The following CHIC2 variants were observed in gnomAD, a reference collection of about 807,000 sequenced individuals.
The protein encoded by CHIC2 is cysteine-rich hydrophobic domain-containing protein 2.
A neutral mutation model predicts 25.9 loss-of-function variants in CHIC2; 14 were observed. That is an observed-to-expected ratio of 0.54 (90% confidence interval 0.36 to 0.85). The LOEUF is 0.85. Ranked by LOEUF, CHIC2 falls within the 40% of genes least tolerant of loss-of-function variation. CHIC2 has a pLI of 0.01. For synonymous variants in CHIC2, 70 were observed against 72.0 expected (o/e 0.97, Z 0.14); for missense variants, 146 against 202.0 (o/e 0.72, Z 1.68).
At chr4:54,044,358 G>C (rs527647672) in intron 3 of CHIC2, among the ~76,000 whole-genome samples, 4 of 152,286 alleles carry the variant, frequency 2.6e-5, no homozygotes, top group African/African-American at 7.2e-5. Flanking sequence ...ATTCCTTTCG[G>C]CACCACACCA....
At chr4:54,061,889 G>C (rs1007214030) in intron 1 of CHIC2, among the ~76,000 whole-genome samples, 31 of 152,132 alleles carry the variant, frequency 2.0e-4, no homozygotes, top group Non-Finnish European at 3.4e-4. Flanking sequence ...TAAGACTAAG[G>C]TGAATCATTG....
intron 1 of CHIC2, chr4:54,061,221 C>T (rs1245886918): frequency 6.6e-6 from 1 of 152,044 alleles, no homozygotes; most frequent in Non-Finnish European, 1.5e-5. Flanking sequence ...TCTGATTATG[C>T]CTAGAGACTA....
chr4:54,031,199 TGA>T (rs1374310752), intron 3 of CHIC2, among the ~76,000 whole-genome samples: 3 of 150,282 alleles, frequency 2.0e-5, no homozygotes, highest in Non-Finnish European at 3.0e-5. Context: ...AACCTAACGC[TGA>T]GAGAGGTTTT....
chr4:54,085,106 AAC>A, the CHIC2 span, among the ~76,000 whole-genome samples: 5 of 152,204 alleles, frequency 3.3e-5, no homozygotes, highest in Non-Finnish European at 5.9e-5. Flanking sequence ...ATAAAAAAGT[AAC>A]AATTTATGTC....
chr4:54,043,626 C>T (rs1716668292), intron 3 of CHIC2, among the ~76,000 whole-genome samples: 2 of 152,020 alleles, frequency 1.3e-5, no homozygotes, highest in Admixed American at 6.5e-5. Flanking sequence ...CAGCACCAGG[C>T]CTGCCCTAAA....
chr4:54,075,875 T>C, the CHIC2 span, among the ~76,000 whole-genome samples: 1 of 152,214 alleles, frequency 6.6e-6, no homozygotes, highest in South Asian at 2.1e-4. Context: ...ACATACTGCT[T>C]AATATTTTAT....
intron 3 of CHIC2, among the ~76,000 whole-genome samples, chr4:54,029,125 G>GAA (rs371108660): frequency 1.2e-4 from 10 of 84,532 alleles, no homozygotes; most frequent in Non-Finnish European, 1.5e-4. Flanking sequence ...CCATCTCAAA[G>GAA]AAAAAAAAAA....
At chr4:54,053,030 C>T (rs1170225400) in intron 1 of CHIC2, among the ~76,000 whole-genome samples, 2 of 152,120 alleles carry the variant, frequency 1.3e-5, no homozygotes, top group African/African-American at 4.8e-5. Flanking sequence ...ATGAAATTTG[C>T]AAACTAAAAA....
At chr4:54,024,717 A>T (rs905609693) in intron 3 of CHIC2, among the ~76,000 whole-genome samples, 1 of 152,200 alleles carries the variant, frequency 6.6e-6, no homozygotes, top group African/African-American at 2.4e-5. Flanking sequence ...CCAAGCAAGT[A>T]ATTATGCTGA....
At chr4:54,027,095 C>T (rs1004361691) in intron 3 of CHIC2, among the ~76,000 whole-genome samples, 10 of 152,032 alleles carry the variant, frequency 6.6e-5, no homozygotes, top group African/African-American at 2.2e-4. Flanking sequence ...GATGAAAAAA[C>T]GAAGAATTTC....
chr4:54,015,616 A>G (rs1715715012), intron 3 of CHIC2, among the ~76,000 whole-genome samples: 1 of 152,140 alleles, frequency 6.6e-6, no homozygotes, highest in Admixed American at 6.6e-5. Flanking sequence ...GCTGTAGGGA[A>G]ATCGATTTGA....
At chr4:54,083,637 T>C in the CHIC2 span, among the ~76,000 whole-genome samples, 579 of 152,272 alleles carry the variant, frequency 3.8e-3, 6 homozygotes, top group African/African-American at 0.013. Context: ...GGTGCTACCT[T>C]CCAAATTACT....
At chr4:54,039,323 C>T (rs1398778534) in intron 3 of CHIC2, among the ~76,000 whole-genome samples, 3 of 152,160 alleles carry the variant, frequency 2.0e-5, no homozygotes, top group African/African-American at 4.8e-5. Context: ...TATATTAGCA[C>T]GTATCTGCCA....
chr4:54,083,681 C>T, the CHIC2 span, among the ~76,000 whole-genome samples: 3 of 152,206 alleles, frequency 2.0e-5, no homozygotes, highest in African/African-American at 7.2e-5. Flanking sequence ...ATTCCCACCA[C>T]TACTGATTAA....
chr4:54,014,038 CG>C (rs1715670015), intron 4 of CHIC2, 24 bp downstream of exon 4: 1 of 1,611,418 alleles, frequency 6.2e-7, no homozygotes. Flanking sequence ...CCCAACAGTA[CG>C]AAGCTGCTCC....
chr4:54,018,367 G>C (rs1418417364), intron 3 of CHIC2, among the ~76,000 whole-genome samples: 1 of 151,792 alleles, frequency 6.6e-6, no homozygotes, highest in Non-Finnish European at 1.5e-5. Flanking sequence ...AACTTTCTTA[G>C]GAATAAATTA....
intron 3 of CHIC2, among the ~76,000 whole-genome samples, chr4:54,029,352 A>T (rs1369215208): frequency 6.6e-6 from 1 of 152,136 alleles, no homozygotes; most frequent in Non-Finnish European, 1.5e-5. Context: ...TTCCTGAAAA[A>T]CCTCTGGAAT....
chr4:54,072,756 A>G, the CHIC2 span, among the ~76,000 whole-genome samples: 1 of 152,132 alleles, frequency 6.6e-6, no homozygotes, highest in African/African-American at 2.4e-5. Context: ...TACTTCTTCT[A>G]TATGATGGTC....
intron 1 of CHIC2, among the ~76,000 whole-genome samples, chr4:54,056,438 T>A (rs993375570): frequency 6.6e-6 from 1 of 152,194 alleles, no homozygotes; most frequent in Non-Finnish European, 1.5e-5. Context: ...ATTTACAATA[T>A]AGACTAACAA....
Sources: allele counts gnomAD v4.1 joint callset (sites outside exome capture counted in the v4.1 genomes callset), GRCh38; gene constraint gnomAD v4.1.1; transcripts MANE v1.5; gene names NCBI Gene and HGNC (gene_info 2026-07-23, HGNC 2026-07-21).